DPP9: variants seen among roughly 807,000 people sequenced by gnomAD.
The protein encoded by DPP9 is dipeptidyl peptidase IV-related protein-2.
Under a neutral mutation model 110.7 loss-of-function variants are expected in DPP9, and 50 were observed. The observed-to-expected ratio is 0.45, with a 90% CI of 0.36 to 0.57. DPP9 has a LOEUF of 0.57. Among genes scored for constraint, DPP9 ranks in the 20% least tolerant of loss-of-function variants. DPP9 has a pLI of 0.00. For missense variants in DPP9, 1,022 were observed against 1,217.9 expected, an observed-to-expected ratio of 0.84 and a Z score of 2.39; for synonymous variants, 561 against 514.4, an observed-to-expected ratio of 1.09 and a Z score of -1.23.
rs1233844854 is a variant in DPP9, at chr19:4,689,740, A to G, written c.1597-18T>C. On this transcript the variant is annotated intron_variant, in intron 14 of 21. Transcript: ENST00000262960. This position sits in a 1 kb window ranked among gnomAD's most constrained non-coding sequence, Gnocchi z 7.0. ...ACCCAGATCTGCAGGGGGACAGGGG[A>G]TCCTCGTGATGCGTCCCAGATGCCC... The G allele has an allele frequency of 1.3e-6, 2 of 1,539,604 alleles. No individual in the cohort carries two copies. Among genetic ancestry groups the G allele is most frequent in the East Asian group, 4.9e-5 (2 of 40,472 alleles).
In DPP9 at chr19:4,684,062, T is replaced by A. The variant is rs2090324585; in HGVS notation, c.2179-433A>T. On this transcript the variant is annotated intron_variant, in intron 18 of 21. Transcript: ENST00000262960. This position sits in a 1 kb window ranked among gnomAD's most constrained non-coding sequence, Gnocchi z 4.8. Reference sequence around the variant, plus strand: ...CACTGCCACGATTTCAATGCTGGTGTCCCCTCTGAAGTCCGTGCTGAGATC... The same window carrying A: ...CACTGCCACGATTTCAATGCTGGTGACCCCTCTGAAGTCCGTGCTGAGATC... 2.8e-6 allele frequency: 1 copy of A among 362,134 alleles called. No homozygotes were observed. Among genetic ancestry groups the A allele is most frequent in the African/African-American group, 2.1e-5 (1 of 47,296 alleles). 22.4% of individuals were successfully genotyped at this position (362,134 alleles called of 1,614,324 possible).
At position 4,714,292 on chromosome 19, in the gene DPP9, C is replaced by A. The variant is rs2092973521; in HGVS notation, c.102G>T (p.Gly34=). 1.3e-6 allele frequency: 2 copies of A among 1,543,892 alleles called. No individual in the cohort carries two copies. The highest frequency in any genetic ancestry group is 1.7e-6 in the Non-Finnish European group (2 of 1,147,956). ...CGTCGCCTCGGTCGGCCGTTGGGGT[C>A]CCGGTGGTGGCCATCCTCTCAGCCC... ...SEGAERMATT[G]TPTADRGDAA... is the part of the protein sequence containing the mutation. The change falls in exon 4 of 22, where the codon GGG becomes GGT. Residue 34 remains glycine (G), a synonymous_variant. Coordinates refer to ENST00000262960, the MANE Select transcript of DPP9 (RefSeq NM_139159.5).
intron 4 of DPP9, among the ~76,000 whole-genome samples, chr19:4,709,169 C>T (rs28583652): frequency 0.12 from 18,259 of 152,090 alleles, 1,448 homozygotes; most frequent in African/African-American, 0.22. Flanking sequence ...CTGCCTGCCT[C>T]GGCCTCCCAA....
At position 4,685,525 on chromosome 19, in the gene DPP9, G is replaced by T; in HGVS notation, c.2031+101C>A. ...GGGGCACCAGGCAGGTAGCCGGGGA[G>T]CCTCCTCTGGTTGACTGTTCTACAG... On this transcript the variant is annotated intron_variant, in intron 17 of 21. Coordinates refer to ENST00000262960, the MANE Select transcript of DPP9 (RefSeq NM_139159.5). This position sits in a 1 kb window ranked among gnomAD's most constrained non-coding sequence, Gnocchi z 5.8. 7.6e-7 allele frequency: 1 copy of T among 1,307,776 alleles called. No homozygotes were observed. Among genetic ancestry groups the T allele is most frequent in the African/African-American group, 1.5e-5 (1 of 68,820 alleles). The allele number at this position is 1,307,776 out of a possible 1,614,324, so 81.0% of individuals were successfully genotyped here. A position where few individuals can be genotyped will look rare whatever the true frequency, so the allele number is the denominator to read the frequency against.
At position 4,693,193 on chromosome 19, in the gene DPP9, G is replaced by A. The variant is rs898919787; in HGVS notation, c.1516+1468C>T. ...GCCACTTGGTGCACAGGATGGCCCCGCCCCAGAGAACCACCCGGCCCTGGC... is the reference window on the plus strand; with the variant it reads ...GCCACTTGGTGCACAGGATGGCCCCACCCCAGAGAACCACCCGGCCCTGGC... On this transcript the variant is annotated intron_variant, in intron 13 of 21. Transcript: ENST00000262960. This position sits in a 1 kb window ranked among gnomAD's most constrained non-coding sequence, Gnocchi z 5.0. 1.3e-5 allele frequency among the ~76,000 whole-genome samples: 2 copies of A among 152,068 alleles called. No individual in the cohort carries two copies. Among genetic ancestry groups the A allele is most frequent in the African/African-American group, 4.8e-5 (2 of 41,422 alleles).
At chr19:4,706,330 CAAA>C (rs59568017) in intron 4 of DPP9, among the ~76,000 whole-genome samples, 3 of 105,718 alleles carry the variant, frequency 2.8e-5, no homozygotes, top group Admixed American at 1.0e-4. Context: ...GGCCCCGTCT[CAAA>C]AAAAAAAAAA....
In DPP9 at chr19:4,680,582, G is replaced by A. The variant is rs149311049; in HGVS notation, c.2475-636C>T. On this transcript the variant is annotated intron_variant, in intron 20 of 21. Coordinates refer to ENST00000262960, the MANE Select transcript of DPP9 (RefSeq NM_139159.5). ...TTAAAAGTTAGCCAGGCGTGGTGGTGCACACCTGTGGTCCCAGCTGAGCCT... is the reference window on the plus strand; with the variant it reads ...TTAAAAGTTAGCCAGGCGTGGTGGTACACACCTGTGGTCCCAGCTGAGCCT... Among the ~76,000 whole-genome samples the A allele has an allele frequency of 8.7e-4, 130 of 150,092 alleles. 1 individual carries two copies. The highest frequency in any genetic ancestry group is 3.2e-3 in the African/African-American group (130 of 40,574).
At position 4,718,153 on chromosome 19, in the gene DPP9, C is replaced by A. The variant is rs2093161715; in HGVS notation, c.56+1698G>T. On this transcript the variant is annotated intron_variant, in intron 3 of 21. Transcript: ENST00000262960. The surrounding 1 kb of genome is among the most constrained non-coding windows in gnomAD (Gnocchi z 4.3). The stretch of plus-strand genomic sequence containing the variant: ...CAGGCTGGTCTCAAACTCCTGGGCT[C>A]CAGCGATCCTGCCACCTCGGTCTAG... Among the ~76,000 whole-genome samples the A allele has an allele frequency of 3.3e-5, 5 of 152,252 alleles. No homozygotes were observed. The South Asian group carries it at 1.0e-3, about 32-fold the overall frequency.
intron 19 of DPP9, 82 bp downstream of exon 19, chr19:4,683,395 C>G (rs771015569): frequency 6.3e-7 from 1 of 1,577,460 alleles, no homozygotes; most frequent in East Asian, 2.3e-5. Context: ...CTCCGGGTGG[C>G]GCGGGCGGTG....
Position 4,695,796 on chromosome 19 carries a change from G to C in DPP9, c.1176-241C>G, listed in dbSNP as rs900815093. On this transcript the variant is annotated intron_variant, in intron 11 of 21. Coordinates refer to ENST00000262960, the MANE Select transcript of DPP9 (RefSeq NM_139159.5). The surrounding 1 kb of genome is among the most constrained non-coding windows in gnomAD (Gnocchi z 4.7). ...TGATCCAAGTGTTCCGGAAACAATG[G>C]CCTAAGTCTCACAGCGGCAAGCTCT... is the stretch of plus-strand genomic sequence containing the variant. Among the ~76,000 whole-genome samples the C allele has an allele frequency of 4.6e-5, 7 of 152,036 alleles. No individual in the cohort carries two copies. The highest frequency in any genetic ancestry group is 1.7e-4 in the African/African-American group (7 of 41,300).
intron 13 of DPP9, among the ~76,000 whole-genome samples, chr19:4,692,494 C>A (rs575394005): frequency 8.6e-4 from 131 of 152,232 alleles, no homozygotes; most frequent in African/African-American, 3.0e-3. Context: ...CCGACGTGTT[C>A]CTTCTGATGC....
At position 4,718,812 on chromosome 19, in the gene DPP9, T is replaced by A. The variant is rs1255038260; in HGVS notation, c.56+1039A>T. Among the ~76,000 whole-genome samples, 1 of 152,192 alleles carries A rather than the reference T, an allele frequency of 6.6e-6. No individual in the cohort carries two copies. The highest frequency in any genetic ancestry group is 2.4e-5 in the African/African-American group (1 of 41,444). ...GTCCCCGTCTTCCCCGGTCCATTCT[T>A]CAATTCCCTTCCCAGCTGAGCATGC... On this transcript the variant is annotated intron_variant, in intron 3 of 21. Coordinates refer to ENST00000262960, the MANE Select transcript of DPP9 (RefSeq NM_139159.5). This position sits in a 1 kb window ranked among gnomAD's most constrained non-coding sequence, Gnocchi z 4.3.
At chr19:4,701,974 C>A (rs1403047210) in intron 9 of DPP9, 53 bp downstream of exon 9, 1 of 1,590,320 alleles carries the variant, frequency 6.3e-7, no homozygotes, top group South Asian at 1.2e-5. Flanking sequence ...ACCAGCCATG[C>A]CCCAGGGGCC....
Position 4,705,864 on chromosome 19 carries a change from A to G in DPP9, c.420T>C (p.His140=), listed in dbSNP as rs1240348414. The change falls in exon 5 of 22, where the codon CAT becomes CAC. Residue 140 remains histidine (H), a synonymous_variant. Transcript: ENST00000262960. ...LLLSWKQMLD[H]FQATPHHGVY... Reference sequence around the variant, plus strand: ...GCCTAATAGCACAGCTTACCTGGAAATGATCCAGCATCTGCTTCCAGGACA... The same window carrying G: ...GCCTAATAGCACAGCTTACCTGGAAGTGATCCAGCATCTGCTTCCAGGACA... 1.9e-6 allele frequency: 3 copies of G among 1,613,780 alleles called. No individual in the cohort carries two copies. The highest frequency in any genetic ancestry group is 1.3e-5 in the African/African-American group (1 of 74,958).
intron 7 of DPP9, 125 bp from the exon 8 acceptor site, chr19:4,702,841 GGGGAGGGAGA>G (rs368052666): frequency 0.014 from 217 of 15,040 alleles, no homozygotes; most frequent in African/African-American, 0.02. Flanking sequence ...GGAAGGAGAG[GGGGAGGGAGA>G]GGGAGGGAGA....
At position 4,704,138 on chromosome 19, in the gene DPP9, C is replaced by T; in HGVS notation, c.593G>A (p.Gly198Asp). 1 of 1,613,958 alleles carries T rather than the reference C, an allele frequency of 6.2e-7. No homozygotes were observed. Among genetic ancestry groups the T allele is most frequent in the Non-Finnish European group, 8.5e-7 (1 of 1,179,896 alleles). The change falls in exon 6 of 22, where the codon GGC becomes GAC. Residue 198 changes from glycine to aspartate, a missense_variant. Physicochemically the swap from Gly to Asp is moderately conservative, Grantham distance 94. This residue lies in a region of DPP9 where 810 missense variants were observed against 920.6 expected (regional missense o/e 0.88). Transcript: ENST00000262960. This position sits in a 1 kb window ranked among gnomAD's most constrained non-coding sequence, Gnocchi z 6.0. ...GCCAGGGCCAGGGCTCACCATGAAGCCGTTCTTGCCGCCGTCGCGGCAGTG... is the reference window on the plus strand; with the variant it reads ...GCCAGGGCCAGGGCTCACCATGAAGTCGTTCTTGCCGCCGTCGCGGCAGTG... The part of the protein sequence containing the change: ...LFHCRDGGKN[G>D]FMVSPMKPLE...
chr19:4,707,700 A>G (rs565184252), intron 4 of DPP9, among the ~76,000 whole-genome samples: 4 of 133,888 alleles, frequency 3.0e-5, no homozygotes, highest in African/African-American at 8.7e-5. Context: ...ATGTTGGCTC[A>G]CTGCAGCCTC....
At chr19:4,720,066 T>G in intron 2 of DPP9, 125 bp from the exon 3 acceptor site, 1 of 778,192 alleles carries the variant, frequency 1.3e-6, no homozygotes, top group South Asian at 1.5e-5. Flanking sequence ...GGGAGCACCC[T>G]GAAGCCAAGG....
rs1424669358 is a variant in DPP9, at chr19:4,710,462, T to C, written c.313+3619A>G. Among the ~76,000 whole-genome samples, 1 of 152,198 alleles carries C rather than the reference T, an allele frequency of 6.6e-6. No homozygotes were observed. The highest frequency in any genetic ancestry group is 2.4e-5 in the African/African-American group (1 of 41,448). ...ATGCTGCAGTCTGAGGCCTGGAACC[T>C]GAGCCGGCCCCAGCCCATCTTCCCA... is the stretch of plus-strand genomic sequence containing the variant. On this transcript the variant is annotated intron_variant, in intron 4 of 21. Coordinates refer to ENST00000262960, the MANE Select transcript of DPP9 (RefSeq NM_139159.5). This position sits in a 1 kb window ranked among gnomAD's most constrained non-coding sequence, Gnocchi z 5.6.
Sources: allele counts gnomAD v4.1 joint callset (sites outside exome capture counted in the v4.1 genomes callset), GRCh38; gene constraint gnomAD v4.1.1; regional missense constraint gnomAD v4.1.1; non-coding constraint Gnocchi (gnomAD v3.1); transcripts MANE v1.5; gene names NCBI Gene and HGNC (gene_info 2026-07-23, HGNC 2026-07-21).